The following HPR variants were observed in gnomAD, a reference collection of about 807,000 sequenced individuals.
The protein encoded by HPR is haptoglobin-related protein.
HPR carries 17 observed loss-of-function variants against 18.5 expected under a neutral mutation model. The observed-to-expected ratio is 0.92, with a 90% confidence interval of 0.63 to 1.38. The LOEUF (loss-of-function observed/expected upper bound fraction) is 1.38. HPR is among the 40% of genes most tolerant of loss of function. The probability of loss-of-function intolerance (pLI) is 0.00; values close to 1 mark genes in which losing one functional copy is unlikely to be tolerated. For missense variants in HPR, 457 were observed against 432.4 expected (o/e 1.06, Z -0.51); for synonymous variants, 176 against 165.0 (o/e 1.07, Z -0.51).
rs1181342239 is a variant in HPR, at chr16:72,076,914, T to A, written c.880T>A (p.Tyr294Asn). The A allele has an allele frequency of 6.2e-7, 1 of 1,614,224 alleles. No individual in the cohort carries two copies. Among genetic ancestry groups the A allele is most frequent in the East Asian group, 2.2e-5 (1 of 44,884 alleles). The change falls in exon 5 of 5, where the codon TAT (tyrosine) becomes AAT (asparagine). Residue 294 changes from tyrosine (Y) to asparagine (N), a missense_variant. Physicochemically the swap from Tyr to Asn is moderately radical, Grantham distance 143 (BLOSUM62 -2). Coordinates refer to ENST00000540303, the MANE Select transcript of HPR (RefSeq NM_020995.4). ...GTCTAAGTACCAGGAAGACACCTGCTATGGCGATGCGGGCAGTGCCTTTGC... is the reference window on the plus strand; with the variant it reads ...GTCTAAGTACCAGGAAGACACCTGCAATGGCGATGCGGGCAGTGCCTTTGC... ...GMSKYQEDTC[Y>N]GDAGSAFAVH...
intron 2 of HPR, 132 bp downstream of exon 2, chr16:72,074,109 A>G (rs1309685404): frequency 3.0e-6 from 4 of 1,350,018 alleles, no homozygotes; most frequent in African/African-American, 1.4e-5. Flanking sequence ...GGCTTTCAGG[A>G]CTGCCAAGAA....
intron 1 of HPR, among the ~76,000 whole-genome samples, chr16:72,069,181 A>G (rs954410647): frequency 1.4e-4 from 22 of 152,150 alleles, no homozygotes; most frequent in African/African-American, 4.1e-4. Flanking sequence ...GATTCTAAGT[A>G]TGCCTTTGGA....
chr16:72,072,992 G>A (rs761752176), intron 1 of HPR, among the ~76,000 whole-genome samples: 2 of 152,000 alleles, frequency 1.3e-5, no homozygotes, highest in African/African-American at 2.4e-5. Context: ...CAACCTTCCC[G>A]CCAGTCGTTA....
At chr16:72,066,856 A>C (rs1268149605) in intron 1 of HPR, among the ~76,000 whole-genome samples, 2 of 152,176 alleles carry the variant, frequency 1.3e-5, no homozygotes, top group Non-Finnish European at 2.9e-5. Context: ...AATGTTATCT[A>C]CTTTCCAGCA....
At chr16:72,063,780 T>C (rs1039301916) in intron 1 of HPR, among the ~76,000 whole-genome samples, 8 of 152,088 alleles carry the variant, frequency 5.3e-5, no homozygotes, top group African/African-American at 1.7e-4. Flanking sequence ...AGTCTCACTC[T>C]GTCACCAGGA....
chr16:72,076,909 C>A lies in HPR; in HGVS notation c.875C>A (p.Thr292Asn), dbSNP rs557750628. ...CVGMSKYQED[T>N]CYGDAGSAFA... ...GGCATGTCTAAGTACCAGGAAGACA[C>A]CTGCTATGGCGATGCGGGCAGTGCC... The change falls in exon 5 of 5, where the codon ACC becomes AAC. Residue 292 changes from threonine to asparagine, a missense_variant. Coordinates refer to ENST00000540303, the MANE Select transcript of HPR (RefSeq NM_020995.4). 6.2e-7 allele frequency: 1 copy of A among 1,614,224 alleles called. No individual in the cohort carries two copies.
intron 1 of HPR, among the ~76,000 whole-genome samples, chr16:72,065,907 C>T (rs531194867): frequency 1.3e-5 from 2 of 152,272 alleles, no homozygotes; most frequent in South Asian, 4.1e-4. Flanking sequence ...TCCTAACCCC[C>T]CTACTCCTCA....
chr16:72,064,748 T>C (rs993878836), intron 1 of HPR, among the ~76,000 whole-genome samples: 1 of 152,232 alleles, frequency 6.6e-6, no homozygotes, highest in African/African-American at 2.4e-5. Flanking sequence ...TGTTGGTTCT[T>C]CTTTGCAGCA....
In HPR at chr16:72,070,429, G is replaced by C. The variant is rs573292095; in HGVS notation, c.6-3463G>C. Among the ~76,000 whole-genome samples, 6 of 152,260 alleles carry C rather than the reference G, an allele frequency of 3.9e-5. No homozygotes were observed. In the South Asian group the frequency reaches 1.2e-3, roughly 32 times the overall value. On this transcript the variant is annotated intron_variant, in intron 1 of 4. Transcript: ENST00000540303. ...GTCCTCATAAAAGGGTGGAAGGAAG[G>C]CAAACTCAAACCAGCTTGGGAAGGA...
intron 1 of HPR, among the ~76,000 whole-genome samples, chr16:72,063,667 T>G (rs2041566414): frequency 6.6e-6 from 1 of 152,206 alleles, no homozygotes; most frequent in South Asian, 2.1e-4. Flanking sequence ...TACACACTAG[T>G]ACCTGGGATA....
At chr16:72,076,251 T>C in intron 4 of HPR, 52 bp from the exon 5 acceptor site, 11 of 1,598,564 alleles carry the variant, frequency 6.9e-6, no homozygotes, top group Non-Finnish European at 9.4e-6. Context: ...CTTTCTCAGA[T>C]GGAAAGGCTC....
At chr16:72,063,619 A>G (rs1272906051) in intron 1 of HPR, among the ~76,000 whole-genome samples, 1 of 152,228 alleles carries the variant, frequency 6.6e-6, no homozygotes, top group African/African-American at 2.4e-5. Flanking sequence ...TAATAGTAAC[A>G]CATTTGAATG....
intron 1 of HPR, among the ~76,000 whole-genome samples, chr16:72,066,254 C>T (rs1339066095): frequency 6.6e-6 from 1 of 152,158 alleles, no homozygotes; most frequent in African/African-American, 2.4e-5. Flanking sequence ...TGCTAGATGA[C>T]CCCTATGGAG....
chr16:72,073,361 G>A (rs2041677608), intron 1 of HPR, among the ~76,000 whole-genome samples: 1 of 152,118 alleles, frequency 6.6e-6, no homozygotes, highest in Non-Finnish European at 1.5e-5. Context: ...GCAGCACCAA[G>A]CATTTGTTTT....
intron 1 of HPR, among the ~76,000 whole-genome samples, chr16:72,066,133 T>C (rs549827107): frequency 6.6e-6 from 1 of 152,312 alleles, no homozygotes; most frequent in Middle Eastern, 3.4e-3. Context: ...GAGTCAGCCA[T>C]AACTTTCTTC....
At chr16:72,063,981 C>G (rs2041570734) in intron 1 of HPR, among the ~76,000 whole-genome samples, 2 of 152,116 alleles carry the variant, frequency 1.3e-5, no homozygotes, top group Admixed American at 1.3e-4. Context: ...ACCTCGTGAT[C>G]CACCTGTCTC....
At position 72,074,051 on chromosome 16, in the gene HPR, A is replaced by G. The variant is rs1597419555; in HGVS notation, c.91+74A>G. The G allele has an allele frequency of 2.5e-6, 4 of 1,589,856 alleles. No homozygotes were observed. The East Asian group carries it at 6.7e-5, about 27-fold the overall frequency. ...CCCACTCTGACTCTCTCGGGTCTGC[A>G]TTCTTTCTTTGAGAACACACAGTTC... On this transcript the variant is annotated intron_variant, in intron 2 of 4. Coordinates refer to ENST00000540303, the MANE Select transcript of HPR (RefSeq NM_020995.4).
At position 72,076,578 on chromosome 16, in the gene HPR, C is replaced by T; in HGVS notation, c.544C>T (p.Pro182Ser). ...LVEIEKVVLHPNYHQVDIGLI... is the reference protein window; with the variant it reads ...LVEIEKVVLHSNYHQVDIGLI... The stretch of plus-strand genomic sequence containing the variant: ...AGAGATTGAGAAGGTGGTTCTACAC[C>T]CTAACTACCACCAGGTAGATATTGG... The change falls in exon 5 of 5, where the codon CCT becomes TCT. Residue 182 changes from proline (P) to serine (S), a missense_variant. Pro to Ser is a moderately conservative substitution (Grantham distance 74). Coordinates refer to ENST00000540303, the MANE Select transcript of HPR (RefSeq NM_020995.4). 6.2e-7 allele frequency: 1 copy of T among 1,614,176 alleles called. No homozygotes were observed. The highest frequency in any genetic ancestry group is 8.5e-7 in the Non-Finnish European group (1 of 1,180,042).
intron 1 of HPR, among the ~76,000 whole-genome samples, chr16:72,069,313 T>C (rs1452839097): frequency 2.6e-5 from 4 of 152,088 alleles, no homozygotes; most frequent in Non-Finnish European, 4.4e-5. Context: ...CCAGAAGAAA[T>C]AGCTATTGTC....
Sources: gnomAD v4.1 joint callset for allele counts (sites outside exome capture counted in the v4.1 genomes callset) on GRCh38, gnomAD v4.1.1 for gene constraint, MANE v1.5 for transcripts, NCBI Gene and HGNC (gene_info 2026-07-23, HGNC 2026-07-21) for gene names.